Variants in PAFAH1B2 observed in about 807,000 individuals in gnomAD.
PAFAH1B2 encodes platelet-activating factor acetylhydrolase IB subunit alpha2.
PAFAH1B2 carries 8 observed loss-of-function variants against 28.0 expected under a neutral mutation model. That is an observed-to-expected ratio of 0.29 (90% CI 0.17 to 0.52). The LOEUF (loss-of-function observed/expected upper bound fraction) is 0.52. Among genes scored for constraint, PAFAH1B2 ranks in the 20% least tolerant of loss-of-function variants. PAFAH1B2 has a pLI of 0.97. For synonymous variants in PAFAH1B2, 104 were observed against 103.2 expected, an observed-to-expected ratio of 1.01 and a Z score of -0.05; for missense variants, 190 against 282.6, an observed-to-expected ratio of 0.67 and a Z score of 2.35.
At chr11:117,176,107 TGAGTC>T in exon 6 of PAFAH1B2, 2 of 623,274 alleles carry the variant, frequency 3.2e-6, no homozygotes, top group Non-Finnish European at 5.7e-6. Flanking sequence ...GGTGCAAACT[TGAGTC>T]TAGTGAGGTA....
Position 117,170,486 on chromosome 11 carries a change from G to A in PAFAH1B2, c.*2787G>A. ...AGTCCATGTGTTCTCGGTCGCCGTA[G>A]ACAGCGCTCTGGCTACCACCGTGAG... is the stretch of plus-strand genomic sequence containing the variant. On this transcript the variant is annotated 3_prime_UTR_variant, in exon 6 of 6. Transcript: ENST00000527958. 1.9e-6 allele frequency: 2 copies of A among 1,060,410 alleles called. No homozygotes were observed. The highest frequency in any genetic ancestry group is 1.6e-5 in the African/African-American group (1 of 60,626). The allele number at this position is 1,060,410 out of a possible 1,614,324, so 65.7% of individuals were successfully genotyped here.
downstream of PAFAH1B2, among the ~76,000 whole-genome samples, chr11:117,177,195 C>T (rs2030029691): frequency 6.6e-6 from 1 of 152,046 alleles, no homozygotes; most frequent in African/African-American, 2.4e-5. Flanking sequence ...GGCAACAGAG[C>T]GAGACCCTGT....
chr11:117,170,603 G>C lies in PAFAH1B2; in HGVS notation c.*2904G>C, dbSNP rs1366919109. The C allele has an allele frequency of 1.9e-6, 2 of 1,048,476 alleles. No homozygotes were observed. Among genetic ancestry groups the C allele is most frequent in the East Asian group, 1.1e-4 (2 of 19,026 alleles). 64.9% of individuals were successfully genotyped at this position (1,048,476 alleles called of 1,614,324 possible). ...AACAAATCTTGAGTAGCTCATGCCC[G>C]GCTCTTAGGAATTTTGTCTGTTTAA... On this transcript the variant is annotated 3_prime_UTR_variant, in exon 6 of 6. Transcript: ENST00000527958.
chr11:117,176,176 G>A (rs2029971881), exon 6 of PAFAH1B2: 1 of 515,994 alleles, frequency 1.9e-6, no homozygotes, highest in South Asian at 2.9e-5. Context: ...ATAATGAGGG[G>A]TTGGCCAAGG....
At chr11:117,158,239 A>G (rs1447926381) in intron 2 of PAFAH1B2, among the ~76,000 whole-genome samples, 1 of 151,918 alleles carries the variant, frequency 6.6e-6, no homozygotes, top group African/African-American at 2.4e-5. Flanking sequence ...AAGGGGTCTC[A>G]TGATGTTGCC....
intron 2 of PAFAH1B2, among the ~76,000 whole-genome samples, chr11:117,155,996 G>A (rs1332954961): frequency 7.2e-5 from 11 of 152,024 alleles, no homozygotes; most frequent in Admixed American, 7.2e-4. Flanking sequence ...TGCAGCCTAG[G>A]AAACACACCA....
chr11:117,168,176 C>A lies in PAFAH1B2; in HGVS notation c.*477C>A. The A allele has an allele frequency of 9.6e-7, 1 of 1,046,726 alleles. No individual in the cohort carries two copies. The highest frequency in any genetic ancestry group is 1.2e-6 in the Non-Finnish European group (1 of 864,738). The allele number at this position is 1,046,726 out of a possible 1,614,324, so 64.8% of individuals were successfully genotyped here. A position where few individuals can be genotyped will look rare whatever the true frequency, so the allele number is the denominator to read the frequency against. ...TATGTTGCTTAGATTCTTATGTATA[C>A]TGAATATTTTATTAACATGTAGCAT... On this transcript the variant is annotated 3_prime_UTR_variant, in exon 6 of 6. Transcript: ENST00000527958.
chr11:117,170,221 T>A lies in PAFAH1B2; in HGVS notation c.*2522T>A. On this transcript the variant is annotated 3_prime_UTR_variant, in exon 6 of 6. Coordinates refer to ENST00000527958, the MANE Select transcript of PAFAH1B2 (RefSeq NM_002572.4). ...GTACTTTTTAAAAAATCTATAAATT[T>A]AATGCACTGTCCAAGTGAAATGTCC... 9.4e-7 allele frequency: 1 copy of A among 1,059,656 alleles called. No individual in the cohort carries two copies. Among genetic ancestry groups the A allele is most frequent in the Non-Finnish European group, 1.1e-6 (1 of 875,832 alleles). 65.6% of individuals were successfully genotyped at this position (1,059,656 alleles called of 1,614,324 possible). A position where few individuals can be genotyped will look rare whatever the true frequency, so the allele number is the denominator to read the frequency against.
downstream of PAFAH1B2, among the ~76,000 whole-genome samples, chr11:117,172,386 ATATATATATATATATATAT>A (rs1956684400): frequency 7.5e-3 from 14 of 1,876 alleles, no homozygotes; most frequent in South Asian, 0.017. Flanking sequence ...ATATATATAT[ATATATATATATATATATAT>A]TTTTTTTTTT....
rs1178557668 is a variant in PAFAH1B2, at chr11:117,170,342, C to A, written c.*2643C>A. On this transcript the variant is annotated 3_prime_UTR_variant, in exon 6 of 6. Coordinates refer to ENST00000527958, the MANE Select transcript of PAFAH1B2 (RefSeq NM_002572.4). The stretch of plus-strand genomic sequence containing the variant: ...GCAAATTTGTATTCCTTCGCCCACG[C>A]ATTCCTGCTATACTAGATGGCAGCC... 9.4e-7 allele frequency: 1 copy of A among 1,060,928 alleles called. No homozygotes were observed. Among genetic ancestry groups the A allele is most frequent in the Non-Finnish European group, 1.1e-6 (1 of 877,612 alleles). 65.7% of individuals were successfully genotyped at this position (1,060,928 alleles called of 1,614,324 possible).
intron 5 of PAFAH1B2, among the ~76,000 whole-genome samples, chr11:117,164,330 T>C (rs1047876801): frequency 5.9e-5 from 9 of 151,624 alleles, no homozygotes; most frequent in East Asian, 2.0e-4. Flanking sequence ...TGGCGTGAAC[T>C]TGGGAGGCAG....
At position 117,168,445 on chromosome 11, in the gene PAFAH1B2, C is replaced by CCCTTTTTTTTTTTTTTTTTTT. The variant is rs1565274998; in HGVS notation, c.*746_*747insCCTTTTTTTTTTTTTTTTTTT. On this transcript the variant is annotated 3_prime_UTR_variant, in exon 6 of 6. Transcript: ENST00000527958. ...TTCCCCTTCATTCCCCCCGCCACCC[C>CCCTTTTTTTTTTTTTTTTTTT]GTTTTTTTTTTTTTTTTTTTTTTTT... 2.8e-6 allele frequency: 1 copy of CCCTTTTTTTTTTTTTTTTTTT among 352,466 alleles called. No homozygotes were observed. The highest frequency in any genetic ancestry group is 5.3e-5 in the African/African-American group (1 of 18,946). The allele number at this position is 352,466 out of a possible 1,614,324, so 21.8% of individuals were successfully genotyped here. A position where few individuals can be genotyped will look rare whatever the true frequency, so the allele number is the denominator to read the frequency against.
At position 117,168,240 on chromosome 11, in the gene PAFAH1B2, TA is replaced by T; in HGVS notation, c.*542del. On this transcript the variant is annotated 3_prime_UTR_variant, in exon 6 of 6. Coordinates refer to ENST00000527958, the MANE Select transcript of PAFAH1B2 (RefSeq NM_002572.4). ...CTTGTCATTGATATATGGAAGATGC[TA>T]TAGTTAGAAGTGAATTTGTTCTGCT... is the stretch of plus-strand genomic sequence containing the variant. 1 of 1,061,886 alleles carries T rather than the reference TA, an allele frequency of 9.4e-7. No homozygotes were observed. Among genetic ancestry groups the T allele is most frequent in the Non-Finnish European group, 1.1e-6 (1 of 876,994 alleles). 65.8% of individuals were successfully genotyped at this position (1,061,886 alleles called of 1,614,324 possible).
At chr11:117,146,720 G>C (rs1056437179) in intron 1 of PAFAH1B2, among the ~76,000 whole-genome samples, 5 of 151,962 alleles carry the variant, frequency 3.3e-5, no homozygotes, top group African/African-American at 1.2e-4. Flanking sequence ...AACACAGCCG[G>C]CTGGGTGCTG....
intron 4 of PAFAH1B2, among the ~76,000 whole-genome samples, chr11:117,162,818 C>T (rs146086762): frequency 2.2e-4 from 34 of 151,854 alleles, no homozygotes; most frequent in African/African-American, 8.0e-4. Context: ...GACTCTTTTC[C>T]TTGAGTGTAC....
chr11:117,164,581 ATT>A (rs1162786355), intron 5 of PAFAH1B2, among the ~76,000 whole-genome samples: 1 of 152,220 alleles, frequency 6.6e-6, no homozygotes, highest in Non-Finnish European at 1.5e-5. Context: ...AAGGTGGTAT[ATT>A]AGACATTCTA....
chr11:117,166,113 G>T (rs1468393475), intron 5 of PAFAH1B2, among the ~76,000 whole-genome samples: 1 of 152,152 alleles, frequency 6.6e-6, no homozygotes, highest in East Asian at 1.9e-4. Context: ...AAAGTGCTGG[G>T]ATTACAGGCG....
chr11:117,164,406 C>CAAAA (rs11418579), intron 5 of PAFAH1B2, among the ~76,000 whole-genome samples: 1 of 149,088 alleles, frequency 6.7e-6, no homozygotes. Flanking sequence ...GACTCCGTCT[C>CAAAA]AAAAAAAAAA....
chr11:117,156,890 C>T (rs1326262619), intron 2 of PAFAH1B2, among the ~76,000 whole-genome samples: 2 of 151,902 alleles, frequency 1.3e-5, no homozygotes, highest in Non-Finnish European at 1.5e-5. Flanking sequence ...TGGTGAAATG[C>T]GCCTGAGGCT....
Sources: gnomAD v4.1 joint callset for allele counts (sites outside exome capture counted in the v4.1 genomes callset) on GRCh38, gnomAD v4.1.1 for gene constraint, MANE v1.5 for transcripts, NCBI Gene and HGNC (gene_info 2026-07-23, HGNC 2026-07-21) for gene names.